The following ATXN7 variants were observed in gnomAD, a reference collection of about 807,000 sequenced individuals.
ATXN7 encodes ataxin 7.
Under a neutral mutation model 70.5 loss-of-function variants are expected in ATXN7, and 12 were observed. The observed-to-expected ratio is 0.17, with a 90% CI of 0.11 to 0.28. The LOEUF (loss-of-function observed/expected upper bound fraction) is 0.28. ATXN7 is among the 10% of genes least tolerant of loss of function. The pLI is 1.00. For synonymous variants in ATXN7, 498 were observed against 448.7 expected (o/e 1.11, Z -1.39); for missense variants, 1,256 against 1,131.7 (o/e 1.11, Z -1.58).
chr3:63,953,121 G>A (rs1169695774), intron 5 of ATXN7, among the ~76,000 whole-genome samples: 2 of 151,988 alleles, frequency 1.3e-5, no homozygotes, highest in Non-Finnish European at 2.9e-5. Flanking sequence ...AATTGGAGAG[G>A]CAGGCAAAAC....
At chr3:63,937,480 A>G (rs1489969103) in intron 4 of ATXN7, among the ~76,000 whole-genome samples, 1 of 152,204 alleles carries the variant, frequency 6.6e-6, no homozygotes, top group East Asian at 1.9e-4. Flanking sequence ...AGTTTGGGGT[A>G]ATAGAGGTTT....
intron 5 of ATXN7, among the ~76,000 whole-genome samples, chr3:63,957,307 T>G (rs1275993481): frequency 1.3e-5 from 2 of 152,200 alleles, no homozygotes; most frequent in Non-Finnish European, 2.9e-5. Context: ...TGTTGGCTGT[T>G]TAAGTATTTG....
Position 63,983,024 on chromosome 3 carries a change from A to G in ATXN7, c.1095+3A>G, listed in dbSNP as rs755671706. 3.1e-6 allele frequency: 5 copies of G among 1,612,758 alleles called. No individual in the cohort carries two copies. The highest frequency in any genetic ancestry group is 2.2e-5 in the South Asian group (2 of 91,056). The stretch of plus-strand genomic sequence containing the variant: ...GCACCCGGTCTTTGACATGCAAGGT[A>G]GGTGGACTCCTGAAAGTCAAGTCGA... On this transcript the variant is annotated splice_donor_region_variant and intron_variant, in intron 8 of 12. Coordinates refer to ENST00000674280, the MANE Select transcript of ATXN7 (RefSeq NM_001377405.1).
chr3:63,915,690 T>A (rs112635458), intron 4 of ATXN7, among the ~76,000 whole-genome samples: 3,503 of 148,702 alleles, frequency 0.024, 47 homozygotes, highest in Middle Eastern at 0.045. Flanking sequence ...TTATTTATTT[T>A]TTTTTTTTTT....
chr3:63,915,291 T>A (rs1575888743), intron 4 of ATXN7, among the ~76,000 whole-genome samples: 1 of 152,164 alleles, frequency 6.6e-6, no homozygotes, highest in African/African-American at 2.4e-5. Context: ...TCTAACCATT[T>A]AGAGGATGCT....
intron 5 of ATXN7, among the ~76,000 whole-genome samples, chr3:63,955,952 T>A (rs2075032155): frequency 6.6e-6 from 1 of 152,206 alleles, no homozygotes; most frequent in African/African-American, 2.4e-5. Context: ...CTATTCTGAA[T>A]TGGTGAGCAG....
intron 5 of ATXN7, among the ~76,000 whole-genome samples, chr3:63,979,320 A>AG (rs924330078): frequency 3.3e-5 from 5 of 152,296 alleles, no homozygotes; most frequent in East Asian, 3.9e-4. Flanking sequence ...TTATTAAAAA[A>AG]GGGGGGGTGG....
chr3:63,988,345 C>T, intron 9 of ATXN7, 21 bp downstream of exon 9: 1 of 1,613,430 alleles, frequency 6.2e-7, no homozygotes, highest in Non-Finnish European at 8.5e-7. Context: ...CCCTCCAACT[C>T]TTTCTCCCAC....
At chr3:63,921,512 C>G (rs1014537130) in intron 4 of ATXN7, among the ~76,000 whole-genome samples, 1 of 152,182 alleles carries the variant, frequency 6.6e-6, no homozygotes, top group African/African-American at 2.4e-5. Flanking sequence ...CTGTGGTCTT[C>G]GCAGAGAAGA....
intron 5 of ATXN7, 129 bp downstream of exon 5, chr3:63,952,612 C>G: frequency 2.0e-6 from 1 of 495,320 alleles, no homozygotes. Context: ...CTTTTTAATT[C>G]ACTCAGTGGG....
chr3:63,984,950 T>TATTG (rs2075550208), intron 8 of ATXN7, among the ~76,000 whole-genome samples: 2 of 152,246 alleles, frequency 1.3e-5, no homozygotes, highest in South Asian at 2.1e-4. Context: ...TGTTGTAGCA[T>TATTG]ATTGCAGAAT....
chr3:63,908,487 G>T (rs1330869654), intron 2 of ATXN7, among the ~76,000 whole-genome samples: 1 of 152,192 alleles, frequency 6.6e-6, no homozygotes, highest in African/African-American at 2.4e-5. Context: ...TGAGTTTCTT[G>T]TTACTCAAAT....
chr3:63,915,871 G>A (rs1704243524), intron 4 of ATXN7, among the ~76,000 whole-genome samples: 1 of 151,796 alleles, frequency 6.6e-6, no homozygotes, highest in Admixed American at 6.6e-5. Flanking sequence ...TTATAGAGAT[G>A]GAGTTTCATT....
intron 2 of ATXN7, among the ~76,000 whole-genome samples, chr3:63,903,303 C>T (rs1028995535): frequency 2.8e-5 from 4 of 144,184 alleles, no homozygotes; most frequent in African/African-American, 5.1e-5. Flanking sequence ...AGGAGAATGG[C>T]GTGAACTCAG....
In ATXN7 at chr3:63,867,640, A is replaced by G. The variant is rs531093122; in HGVS notation, c.-111+3482A>G. The stretch of plus-strand genomic sequence containing the variant: ...TTTGAGAGGCCAAGGCGGGTGGATC[A>G]TTTGAGGTAGGCCGAGGCGGGTGGA... On this transcript the variant is annotated intron_variant, in intron 1 of 12. Coordinates refer to ENST00000674280, the MANE Select transcript of ATXN7 (RefSeq NM_001377405.1). Among the ~76,000 whole-genome samples the G allele has an allele frequency of 4.7e-5, 7 of 150,076 alleles. No homozygotes were observed. In the South Asian group the frequency reaches 1.5e-3, roughly 31 times the overall value.
rs141647958 is a variant in ATXN7 at position 63,981,676 on chromosome 3, A to T, written c.753-510A>T. Among the ~76,000 whole-genome samples, 1,166 of 152,354 alleles carry T rather than the reference A, an allele frequency of 7.7e-3. 18 individuals are homozygous for T. The highest frequency in any genetic ancestry group is 0.024 in the African/African-American group (1,012 of 41,572). On this transcript the variant is annotated intron_variant, in intron 6 of 12. Transcript: ENST00000674280. ...ACTAGTCTCCCTTATTGACAGAAGC[A>T]AAGAACCTCTTCTTGGAGATATGTT...
intron 5 of ATXN7, among the ~76,000 whole-genome samples, chr3:63,965,344 A>C (rs1351133405): frequency 6.6e-6 from 1 of 152,166 alleles, no homozygotes; most frequent in Non-Finnish European, 1.5e-5. Flanking sequence ...CGGCTGCACA[A>C]CTAGAAGTGC....
At chr3:63,891,912 A>G (rs1436135186) in intron 1 of ATXN7, among the ~76,000 whole-genome samples, 1 of 151,844 alleles carries the variant, frequency 6.6e-6, no homozygotes, top group Non-Finnish European at 1.5e-5. Context: ...AGCATTATTA[A>G]TGAAAACTAC....
chr3:63,982,306 C>G lies in ATXN7; in HGVS notation c.873C>G (p.Asn291Lys), dbSNP rs2075501896. 1.2e-6 allele frequency: 2 copies of G among 1,614,110 alleles called. No homozygotes were observed. The highest frequency in any genetic ancestry group is 8.5e-7 in the Non-Finnish European group (1 of 1,180,044). The change falls in exon 7 of 13, where the codon AAC (asparagine) becomes AAG (lysine). Residue 291 changes from asparagine (N) to lysine (K), a missense_variant. By Grantham distance (94) the Asn-to-Lys change is moderately conservative (BLOSUM62 0). Transcript: ENST00000674280. ...TVSSLVKPGL[N>K]CPSIPKPTLP... ...GTTCCTTAGTCAAGCCTGGCCTTAACTGCCCCTCAATACCAAAGCCAACCT... is the reference window on the plus strand; with the variant it reads ...GTTCCTTAGTCAAGCCTGGCCTTAAGTGCCCCTCAATACCAAAGCCAACCT...
Sources: allele counts gnomAD v4.1 joint callset (sites outside exome capture counted in the v4.1 genomes callset), GRCh38; gene constraint gnomAD v4.1.1; transcripts MANE v1.5; gene names NCBI Gene and HGNC (gene_info 2026-07-23, HGNC 2026-07-21).